The following P2RX4 variants were observed in gnomAD, a reference collection of about 807,000 sequenced individuals.
P2RX4 encodes the protein P2X purinoceptor 4.
In P2RX4, 37 loss-of-function variants were observed where a neutral mutation model predicts 48.0. The observed-to-expected ratio is 0.77, with a 90% CI of 0.59 to 1.01. P2RX4 has a LOEUF of 1.01. Among genes scored for constraint, P2RX4 ranks in the 50% least tolerant of loss-of-function variants. The pLI, the probability that P2RX4 is intolerant of heterozygous loss-of-function variation, is 0.00. For missense variants in P2RX4, 501 were observed against 521.4 expected, an observed-to-expected ratio of 0.96 and a Z score of 0.38; for synonymous variants, 200 against 199.7, an observed-to-expected ratio of 1.00 and a Z score of -0.01.
At chr12:121,212,134 C>T (rs1885906376) in intron 1 of P2RX4, among the ~76,000 whole-genome samples, 2 of 152,214 alleles carry the variant, frequency 1.3e-5, no homozygotes, top group Non-Finnish European at 2.9e-5. Flanking sequence ...ACAGATCCCC[C>T]CGTCTTTGGG....
chr12:121,233,011 T>A lies in P2RX4; in HGVS notation c.1059T>A (p.Cys353Ter), dbSNP rs924922130. The change falls in exon 11 of 12, where the codon TGT becomes TGA. Residue 353 changes from cysteine to a stop codon, truncating the protein, a stop_gained. Coordinates refer to ENST00000337233, the MANE Select transcript of P2RX4 (RefSeq NM_002560.3). LOFTEE classifies it high-confidence loss of function. ...LALLGMATVL[C>*]DIIVLYCMKK... ...GCTAAACTCAGGCGACCGTGCTGTG[T>A]GACATCATAGTCCTCTACTGCATGA... 1 of 1,612,920 alleles carries A rather than the reference T, an allele frequency of 6.2e-7. No individual in the cohort carries two copies. Among genetic ancestry groups the A allele is most frequent in the African/African-American group, 1.3e-5 (1 of 75,040 alleles).
At chr12:121,216,573 C>T (rs1886237475) in intron 1 of P2RX4, 1 of 253,214 alleles carries the variant, frequency 3.9e-6, no homozygotes, top group East Asian at 1.0e-4. Flanking sequence ...GTAATCCCAG[C>T]ACTTTGGGAG....
chr12:121,223,140 C>A, intron 5 of P2RX4, 97 bp downstream of exon 5: 2 of 757,580 alleles, frequency 2.6e-6, no homozygotes, highest in South Asian at 1.5e-5. Context: ...GTGGTGCGAT[C>A]TTGGCTCACC....
chr12:121,210,499 G>C (rs1885757154), intron 1 of P2RX4, among the ~76,000 whole-genome samples: 1 of 152,212 alleles, frequency 6.6e-6, no homozygotes, highest in South Asian at 2.1e-4. Flanking sequence ...CACAGCCTGG[G>C]CCAGGCGCGG....
chr12:121,233,746 CA>C lies in P2RX4; in HGVS notation c.*198del. On this transcript the variant is annotated 3_prime_UTR_variant, in exon 12 of 12. Coordinates refer to ENST00000337233, the MANE Select transcript of P2RX4 (RefSeq NM_002560.3). Reference sequence around the variant, plus strand: ...TTGCCCACTCGGCCCAGGAGGTCAGCAGTCTGTTCTTGGCTGGGTCAACTCT... The same window carrying C: ...TTGCCCACTCGGCCCAGGAGGTCAGCGTCTGTTCTTGGCTGGGTCAACTCT... 7.4e-7 allele frequency: 1 copy of C among 1,352,094 alleles called. No homozygotes were observed. The highest frequency in any genetic ancestry group is 9.9e-7 in the Non-Finnish European group (1 of 1,009,136). 83.8% of individuals were successfully genotyped at this position (1,352,094 alleles called of 1,614,324 possible). A position where few individuals can be genotyped will look rare whatever the true frequency, so the allele number is the denominator to read the frequency against.
At position 121,222,013 on chromosome 12, in the gene P2RX4, C is replaced by A. The variant is rs201830668; in HGVS notation, c.354+29C>A. ...GGAGGCCCCCGGGAAGAGCCCCAGG[C>A]CCCACACCCCTCTCCACGCCTGTCC... On this transcript the variant is annotated intron_variant, in intron 3 of 11. Coordinates refer to ENST00000337233, the MANE Select transcript of P2RX4 (RefSeq NM_002560.3). The A allele has an allele frequency of 2.5e-6, 4 of 1,604,290 alleles. No individual in the cohort carries two copies. The Admixed American group carries it at 5.0e-5, about 20-fold the overall frequency.
chr12:121,232,440 C>A lies in P2RX4; in HGVS notation c.911C>A (p.Ala304Asp). The A allele has an allele frequency of 6.2e-7, 1 of 1,614,008 alleles. No individual in the cohort carries two copies. The highest frequency in any genetic ancestry group is 8.5e-7 in the Non-Finnish European group (1 of 1,179,868). Reference sequence around the variant, plus strand: ...TTTGCCAAGTACTACAGAGACCTGGCTGGCAACGAGCAGCGCACGCTCATC... The same window carrying A: ...TTTGCCAAGTACTACAGAGACCTGGATGGCAACGAGCAGCGCACGCTCATC... The part of the protein sequence containing the change: ...FRFAKYYRDL[A>D]GNEQRTLIKA... The change falls in exon 9 of 12, where the codon GCT becomes GAT. Residue 304 changes from alanine to aspartate, a missense_variant. Ala to Asp is a moderately radical substitution (Grantham distance 126). This residue lies in a region of P2RX4 where 197 missense variants were observed against 219.5 expected (regional missense o/e 0.90). Coordinates refer to ENST00000337233, the MANE Select transcript of P2RX4 (RefSeq NM_002560.3). This position sits in a 1 kb window ranked among gnomAD's most constrained non-coding sequence, Gnocchi z 4.3.
intron 2 of P2RX4, among the ~76,000 whole-genome samples, chr12:121,219,618 TA>T (rs1555235757): frequency 0.44 from 41,210 of 94,096 alleles, 6,342 homozygotes; most frequent in Middle Eastern, 0.49. Flanking sequence ...GATGGATGGA[TA>T]GATAGATAGA....
intron 11 of P2RX4, 93 bp from the exon 12 acceptor site, chr12:121,233,430 C>A (rs1040196707): frequency 5.1e-6 from 7 of 1,382,110 alleles, no homozygotes; most frequent in Non-Finnish European, 6.0e-6. Context: ...AACTTGAGAA[C>A]CCCTGGCGGT....
chr12:121,225,735 A>G (rs1886940510), intron 5 of P2RX4, among the ~76,000 whole-genome samples: 1 of 152,112 alleles, frequency 6.6e-6, no homozygotes, highest in Non-Finnish European at 1.5e-5. Flanking sequence ...TGAAAAAAAG[A>G]ATGTATAATA....
At chr12:121,219,079 T>C (rs1886406643) in intron 2 of P2RX4, among the ~76,000 whole-genome samples, 1 of 152,174 alleles carries the variant, frequency 6.6e-6, no homozygotes, top group Non-Finnish European at 1.5e-5. Flanking sequence ...CATACTGGAT[T>C]GTTCCAAGTA....
chr12:121,211,515 C>G (rs1885848465), intron 1 of P2RX4, among the ~76,000 whole-genome samples: 1 of 151,808 alleles, frequency 6.6e-6, no homozygotes, highest in Non-Finnish European at 1.5e-5. Flanking sequence ...GAATACAACG[C>G]GAGAGAGAAG....
At chr12:121,218,602 G>A (rs930677652) in intron 2 of P2RX4, among the ~76,000 whole-genome samples, 20 of 152,270 alleles carry the variant, frequency 1.3e-4, no homozygotes, top group South Asian at 4.1e-4. Flanking sequence ...CCTTGTCCCG[G>A]TGAGCTCTGG....
chr12:121,232,701 AC>A lies in P2RX4; in HGVS notation c.1044+28del. On this transcript the variant is annotated intron_variant, in intron 10 of 11. Transcript: ENST00000337233. This position sits in a 1 kb window ranked among gnomAD's most constrained non-coding sequence, Gnocchi z 4.3. ...GGTGAGTGGTTTAGGCCCTGCCTTC[AC>A]CCTCACGGTGAGGTGAGACCCTGGG... 1 of 1,591,222 alleles carries A rather than the reference AC, an allele frequency of 6.3e-7. No homozygotes were observed. The highest frequency in any genetic ancestry group is 8.6e-7 in the Non-Finnish European group (1 of 1,159,416).
intron 2 of P2RX4, among the ~76,000 whole-genome samples, chr12:121,219,516 A>G (rs1593205506): frequency 6.6e-6 from 1 of 152,126 alleles, no homozygotes; most frequent in African/African-American, 2.4e-5. Context: ...GGATCACTTG[A>G]GCTCAGGATT....
At position 121,228,631 on chromosome 12, in the gene P2RX4, G is replaced by T. The variant is rs969349105; in HGVS notation, c.605+18G>T. ...TTCAGCAAGTAAGTGGTGGCCAGGT[G>T]TGTGAGTTCACCAGGGTCTTGGAGA... On this transcript the variant is annotated intron_variant, in intron 6 of 11. Coordinates refer to ENST00000337233, the MANE Select transcript of P2RX4 (RefSeq NM_002560.3). 4 of 1,612,980 alleles carry T rather than the reference G, an allele frequency of 2.5e-6. No homozygotes were observed. The highest frequency in any genetic ancestry group is 3.4e-6 in the Non-Finnish European group (4 of 1,179,200).
chr12:121,225,012 T>C (rs1377917591), intron 5 of P2RX4, among the ~76,000 whole-genome samples: 4 of 151,928 alleles, frequency 2.6e-5, no homozygotes, highest in African/African-American at 9.7e-5. Context: ...AAAATTGAAA[T>C]ATGGCTGGGT....
chr12:121,217,099 T>C, intron 1 of P2RX4, 35 bp from the exon 2 acceptor site: 5 of 1,609,682 alleles, frequency 3.1e-6, no homozygotes, highest in Non-Finnish European at 4.3e-6. Context: ...CATTGAATCC[T>C]AATGGCAATT....
In P2RX4 at chr12:121,233,658, G is replaced by A. The variant is rs1887523266; in HGVS notation, c.*109G>A. 1.3e-6 allele frequency: 2 copies of A among 1,549,770 alleles called. No individual in the cohort carries two copies. Among genetic ancestry groups the A allele is most frequent in the South Asian group, 1.2e-5 (1 of 83,912 alleles). Reference sequence around the variant, plus strand: ...AGAGAAATTTCTGGAATCTGATTGAGTCTCCACTCCACAAGCACTCAGGGT... The same window carrying A: ...AGAGAAATTTCTGGAATCTGATTGAATCTCCACTCCACAAGCACTCAGGGT... On this transcript the variant is annotated 3_prime_UTR_variant, in exon 12 of 12. Coordinates refer to ENST00000337233, the MANE Select transcript of P2RX4 (RefSeq NM_002560.3).
Sources: allele counts gnomAD v4.1 joint callset (sites outside exome capture counted in the v4.1 genomes callset), GRCh38; gene constraint gnomAD v4.1.1; regional missense constraint gnomAD v4.1.1; non-coding constraint Gnocchi (gnomAD v3.1); transcripts MANE v1.5; gene names NCBI Gene and HGNC (gene_info 2026-07-23, HGNC 2026-07-21).